The following CHRM5 variants were observed in gnomAD, a reference collection of about 807,000 sequenced individuals.
The protein encoded by CHRM5 is cholinergic receptor muscarinic 5.
Under a neutral mutation model 39.0 loss-of-function variants are expected in CHRM5, and 18 were observed. The ratio of observed to expected loss-of-function variants is 0.46; its 90% confidence interval spans 0.32 to 0.68. The LOEUF is 0.68. Among genes scored for constraint, CHRM5 ranks in the 30% least tolerant of loss-of-function variants. The probability of loss-of-function intolerance (pLI) is 0.04; values close to 1 mark genes in which losing one functional copy is unlikely to be tolerated. For missense variants in CHRM5, 515 were observed against 651.1 expected (o/e 0.79, Z 2.28); for synonymous variants, 241 against 246.3 (o/e 0.98, Z 0.20).
chr15:34,012,494 C>T (rs961086425), intron 1 of CHRM5, among the ~76,000 whole-genome samples: 1 of 152,184 alleles, frequency 6.6e-6, no homozygotes, highest in Admixed American at 6.5e-5. Flanking sequence ...GCTTCAGGTA[C>T]ATCTGCCTCT....
chr15:34,016,990 G>A (rs1897943937), intron 1 of CHRM5, among the ~76,000 whole-genome samples: 2 of 141,632 alleles, frequency 1.4e-5, no homozygotes, highest in African/African-American at 4.9e-5. Context: ...AATTAGCCAG[G>A]CATGGTGGCA....
At chr15:33,983,126 CTCTG>C (rs1334651066) in intron 1 of CHRM5, among the ~76,000 whole-genome samples, 1 of 107,350 alleles carries the variant, frequency 9.3e-6, no homozygotes, top group African/African-American at 4.8e-5. Flanking sequence ...TATGTCCATA[CTCTG>C]TGTGTGTGTG....
chr15:33,980,776 G>C (rs1386319823), intron 1 of CHRM5, among the ~76,000 whole-genome samples: 1 of 152,110 alleles, frequency 6.6e-6, no homozygotes, highest in Non-Finnish European at 1.5e-5. Flanking sequence ...ACCTTAACTA[G>C]TTCCCAAATC....
chr15:34,017,881 T>C (rs1452631837), intron 1 of CHRM5, among the ~76,000 whole-genome samples: 4 of 152,160 alleles, frequency 2.6e-5, no homozygotes, highest in Admixed American at 2.6e-4. Flanking sequence ...TTTACAACAG[T>C]GGTCCCATAA....
chr15:34,030,660 G>A (rs770333487), intron 1 of CHRM5, among the ~76,000 whole-genome samples: 24 of 151,848 alleles, frequency 1.6e-4, no homozygotes, highest in Non-Finnish European at 2.5e-4. Flanking sequence ...AAAGAGTCTC[G>A]GGCTGTCATC....
chr15:33,986,783 A>C (rs1896493181), intron 1 of CHRM5, among the ~76,000 whole-genome samples: 1 of 152,052 alleles, frequency 6.6e-6, no homozygotes, highest in African/African-American at 2.4e-5. Flanking sequence ...CAGCCGCCCG[A>C]GTAGCTGGGA....
intron 1 of CHRM5, among the ~76,000 whole-genome samples, chr15:34,037,019 G>A (rs57987098): frequency 0.059 from 9,030 of 151,800 alleles, 552 homozygotes; most frequent in East Asian, 0.33. Flanking sequence ...TGAGGCAGGA[G>A]AATCACTTGA....
At chr15:34,016,106 G>A (rs1245827746) in intron 1 of CHRM5, among the ~76,000 whole-genome samples, 1 of 152,056 alleles carries the variant, frequency 6.6e-6, no homozygotes, top group Non-Finnish European at 1.5e-5. Context: ...GAGAAACCCC[G>A]TCTCTACTAA....
At chr15:34,017,344 T>G (rs1409567915) in intron 1 of CHRM5, among the ~76,000 whole-genome samples, 1 of 151,970 alleles carries the variant, frequency 6.6e-6, no homozygotes, top group Non-Finnish European at 1.5e-5. Flanking sequence ...TTAAGCAGAT[T>G]CCCCAAAGAA....
intron 1 of CHRM5, among the ~76,000 whole-genome samples, chr15:33,984,789 T>A (rs1371444263): frequency 6.6e-6 from 1 of 152,080 alleles, no homozygotes; most frequent in Non-Finnish European, 1.5e-5. Context: ...GAGACAAACG[T>A]TAGTAGCAAA....
At chr15:34,053,299 CAAAAAAAA>C (rs71454513) in intron 2 of CHRM5, among the ~76,000 whole-genome samples, 1 of 51,540 alleles carries the variant, frequency 1.9e-5, no homozygotes, top group African/African-American at 9.0e-5. Context: ...GACTCCATCT[CAAAAAAAA>C]AAAAAAAAAA....
At chr15:34,013,590 G>A (rs1897731447) in intron 1 of CHRM5, among the ~76,000 whole-genome samples, 1 of 152,186 alleles carries the variant, frequency 6.6e-6, no homozygotes, top group African/African-American at 2.4e-5. Context: ...CAGGCATTGG[G>A]AATACAAAGA....
At chr15:34,050,316 C>T (rs1899888602) in intron 2 of CHRM5, among the ~76,000 whole-genome samples, 1 of 152,180 alleles carries the variant, frequency 6.6e-6, no homozygotes, top group South Asian at 2.1e-4. Flanking sequence ...CACCATTGGG[C>T]CTGCCTTGCA....
chr15:34,048,158 A>C (rs1899788481), intron 2 of CHRM5, among the ~76,000 whole-genome samples: 1 of 152,166 alleles, frequency 6.6e-6, no homozygotes, highest in Non-Finnish European at 1.5e-5. Context: ...TTACAGGCGT[A>C]AGCCACCACA....
intron 1 of CHRM5, among the ~76,000 whole-genome samples, chr15:33,974,838 T>C (rs1014635986): frequency 1.3e-5 from 2 of 152,142 alleles, no homozygotes; most frequent in African/African-American, 4.8e-5. Context: ...CCGGGTGTGG[T>C]GGTGCATGCC....
intron 1 of CHRM5, among the ~76,000 whole-genome samples, chr15:33,993,204 G>A (rs192800632): frequency 2.6e-5 from 4 of 152,132 alleles, no homozygotes; most frequent in South Asian, 2.1e-4. Flanking sequence ...TACTTTTTAC[G>A]TTTGAAGGTA....
intron 1 of CHRM5, among the ~76,000 whole-genome samples, chr15:33,988,407 C>G (rs969531441): frequency 2.6e-5 from 4 of 152,102 alleles, no homozygotes; most frequent in African/African-American, 9.7e-5. Context: ...ATTTCTAAGG[C>G]TTAGTTTCTA....
chr15:33,997,903 C>A (rs1468016876), intron 1 of CHRM5, among the ~76,000 whole-genome samples: 8 of 152,118 alleles, frequency 5.3e-5, no homozygotes, highest in African/African-American at 1.9e-4. Context: ...TTTATGAATA[C>A]CAACTTCATG....
chr15:34,040,913 G>T (rs1484987743), intron 1 of CHRM5, among the ~76,000 whole-genome samples: 1 of 144,586 alleles, frequency 6.9e-6, no homozygotes, highest in Non-Finnish European at 1.5e-5. Flanking sequence ...AAAAAAAAAA[G>T]ATTTCAACAT....
Sources: gnomAD v4.1 joint callset for allele counts (sites outside exome capture counted in the v4.1 genomes callset) on GRCh38, gnomAD v4.1.1 for gene constraint, MANE v1.5 for transcripts, NCBI Gene and HGNC (gene_info 2026-07-23, HGNC 2026-07-21) for gene names.